The following MARCHF1 variants were observed in gnomAD, a reference collection of about 807,000 sequenced individuals.
MARCHF1 encodes membrane associated ring-CH-type finger 1.
In MARCHF1, 40 loss-of-function variants were observed where a neutral mutation model predicts 54.2. That is an observed-to-expected ratio of 0.74 (90% CI 0.57 to 0.96). The LOEUF is 0.96. MARCHF1 is among the 40% of genes least tolerant of loss of function. The probability of loss-of-function intolerance (pLI) is 0.00; values close to 1 mark genes in which losing one functional copy is unlikely to be tolerated. For missense variants in MARCHF1, 586 were observed against 656.5 expected (o/e 0.89, Z 1.17); for synonymous variants, 236 against 236.3 (o/e 1.00, Z 0.01).
At chr4:164,168,770 G>C (rs1474987123) in intron 1 of MARCHF1, among the ~76,000 whole-genome samples, 1 of 152,022 alleles carries the variant, frequency 6.6e-6, no homozygotes, top group Non-Finnish European at 1.5e-5. Context: ...TTGAAAATCT[G>C]TGTATAACTT....
chr4:163,713,720 C>T (rs1241939216), intron 4 of MARCHF1, among the ~76,000 whole-genome samples: 1 of 152,100 alleles, frequency 6.6e-6, no homozygotes, highest in Non-Finnish European at 1.5e-5. Flanking sequence ...AAAATTAAAA[C>T]CACTCCCTTT....
chr4:164,162,318 G>A (rs1730259294), intron 1 of MARCHF1, among the ~76,000 whole-genome samples: 1 of 152,070 alleles, frequency 6.6e-6, no homozygotes, highest in Non-Finnish European at 1.5e-5. Flanking sequence ...TAACACAGGT[G>A]GACATGGAGA....
intron 3 of MARCHF1, among the ~76,000 whole-genome samples, chr4:163,858,207 G>A (rs1449618367): frequency 6.6e-6 from 1 of 152,036 alleles, no homozygotes; most frequent in Non-Finnish European, 1.5e-5. Flanking sequence ...CTAGAACTGT[G>A]CAACCTGGCA....
intron 8 of MARCHF1, among the ~76,000 whole-genome samples, chr4:163,573,616 T>C (rs1054592660): frequency 1.3e-5 from 2 of 151,858 alleles, no homozygotes; most frequent in Non-Finnish European, 2.9e-5. Context: ...TCCAACTTCA[T>C]CCATGTCCCT....
chr4:163,567,662 C>T (rs1012931337), intron 8 of MARCHF1, among the ~76,000 whole-genome samples: 2 of 152,092 alleles, frequency 1.3e-5, no homozygotes, highest in African/African-American at 4.8e-5. Flanking sequence ...TCCTGTCTGC[C>T]GCCATGTGAG....
At chr4:163,864,525 A>T (rs1249269564) in intron 3 of MARCHF1, among the ~76,000 whole-genome samples, 3 of 151,972 alleles carry the variant, frequency 2.0e-5, no homozygotes, top group Non-Finnish European at 4.4e-5. Flanking sequence ...TGAAAAAAAT[A>T]CGAATGAAGT....
At chr4:163,666,882 A>T (rs955470103) in intron 5 of MARCHF1, among the ~76,000 whole-genome samples, 4 of 152,050 alleles carry the variant, frequency 2.6e-5, no homozygotes, top group African/African-American at 9.7e-5. Context: ...TGCATTTTTG[A>T]TGTTCTTGTG....
chr4:163,703,166 T>C (rs748448084), intron 4 of MARCHF1, among the ~76,000 whole-genome samples: 2 of 152,144 alleles, frequency 1.3e-5, no homozygotes, highest in Non-Finnish European at 2.9e-5. Flanking sequence ...AATTCACAGG[T>C]ATAAGAAACA....
At chr4:164,249,754 CGGTTA>C (rs1733070057) in intron 1 of MARCHF1, among the ~76,000 whole-genome samples, 1 of 121,672 alleles carries the variant, frequency 8.2e-6, no homozygotes. Context: ...AGAATACAGA[CGGTTA>C]GGATTAAAAA....
intron 8 of MARCHF1, chr4:163,585,511 T>C: frequency 3.1e-6 from 1 of 322,658 alleles, no homozygotes; most frequent in Admixed American, 4.5e-5. Flanking sequence ...ACACTGACTT[T>C]TAAAAAAGCA....
chr4:164,216,584 T>C (rs115559447), intron 1 of MARCHF1, among the ~76,000 whole-genome samples: 2,740 of 152,326 alleles, frequency 0.018, 105 homozygotes, highest in East Asian at 0.12. Flanking sequence ...AGTTAATTTT[T>C]CTATTAATAA....
intron 2 of MARCHF1, among the ~76,000 whole-genome samples, chr4:164,002,013 T>C (rs1258186730): frequency 6.6e-6 from 1 of 151,802 alleles, no homozygotes; most frequent in East Asian, 1.9e-4. Context: ...AGAACACTCA[T>C]ACCTTATAAT....
Position 164,141,372 on chromosome 4 carries a change from T to C in MARCHF1, c.-322-29710A>G, listed in dbSNP as rs375781310. Among the ~76,000 whole-genome samples the C allele has an allele frequency of 4.6e-5, 7 of 152,370 alleles. No homozygotes were observed. In the East Asian group the frequency reaches 5.8e-4, roughly 13 times the overall value. The stretch of plus-strand genomic sequence containing the variant: ...CTAAAAACCAGCCCCAGCAAGTTTC[T>C]TTTTAGCTGTCTTTAGACAACTACT... On this transcript the variant is annotated intron_variant, in intron 1 of 9. Transcript: ENST00000514618.
At chr4:164,133,673 G>A (rs1343050784) in intron 1 of MARCHF1, among the ~76,000 whole-genome samples, 2 of 152,026 alleles carry the variant, frequency 1.3e-5, no homozygotes, top group Non-Finnish European at 2.9e-5. Context: ...CTAGGCTGTC[G>A]GTAAGTTCTG....
chr4:164,241,365 C>A (rs1415015176), intron 1 of MARCHF1, among the ~76,000 whole-genome samples: 3 of 152,168 alleles, frequency 2.0e-5, no homozygotes, highest in Non-Finnish European at 2.9e-5. Context: ...TTTGCTGCAA[C>A]ATCATTGCTG....
intron 7 of MARCHF1, among the ~76,000 whole-genome samples, chr4:163,605,069 A>G (rs991512592): frequency 1.3e-5 from 2 of 152,114 alleles, no homozygotes; most frequent in African/African-American, 4.8e-5. Flanking sequence ...ATTCAAAAAT[A>G]AATAGTTATT....
At chr4:164,073,930 A>G (rs1040753152) in intron 2 of MARCHF1, among the ~76,000 whole-genome samples, 10 of 152,110 alleles carry the variant, frequency 6.6e-5, no homozygotes, top group Admixed American at 2.6e-4. Flanking sequence ...CAGCCTCCCA[A>G]GTAGCTGGGA....
intron 1 of MARCHF1, among the ~76,000 whole-genome samples, chr4:164,222,367 A>T (rs1230992376): frequency 6.6e-6 from 1 of 152,018 alleles, no homozygotes; most frequent in Admixed American, 6.6e-5. Context: ...TCAAAAAGAC[A>T]TCACAGAAAT....
intron 5 of MARCHF1, among the ~76,000 whole-genome samples, chr4:163,636,986 G>C (rs978625471): frequency 6.6e-4 from 100 of 152,152 alleles, no homozygotes; most frequent in African/African-American, 2.3e-3. Context: ...AGAAAAACAA[G>C]CAATGGGGAA....
Sources: gnomAD v4.1 joint callset for allele counts (sites outside exome capture counted in the v4.1 genomes callset) on GRCh38, gnomAD v4.1.1 for gene constraint, MANE v1.5 for transcripts, NCBI Gene and HGNC (gene_info 2026-07-23, HGNC 2026-07-21) for gene names.